QKI: variants seen among roughly 807,000 people sequenced by gnomAD.
QKI encodes the protein QKI, KH domain containing RNA binding.
Under a neutral mutation model 39.0 loss-of-function variants are expected in QKI, and 10 were observed. The observed-to-expected ratio is 0.26, with a 90% CI of 0.16 to 0.43. The LOEUF is 0.43. Ranked by LOEUF, QKI falls within the 20% of genes least tolerant of loss-of-function variation. QKI has a pLI of 1.00. For missense variants in QKI, 218 were observed against 428.0 expected, an observed-to-expected ratio of 0.51 and a Z score of 4.33; for synonymous variants, 204 against 155.4, an observed-to-expected ratio of 1.31 and a Z score of -2.33.
chr6:163,518,362 A>G (rs1179700996), intron 3 of QKI, among the ~76,000 whole-genome samples: 1 of 152,164 alleles, frequency 6.6e-6, no homozygotes, highest in Non-Finnish European at 1.5e-5. Flanking sequence ...TGTAGTCAGG[A>G]TGGACAGATA....
At chr6:163,523,944 G>T (rs141451561) in intron 3 of QKI, among the ~76,000 whole-genome samples, 1 of 152,184 alleles carries the variant, frequency 6.6e-6, no homozygotes, top group Non-Finnish European at 1.5e-5. Context: ...AGCAAAGTGG[G>T]GCTTAGGGAG....
intron 1 of QKI, among the ~76,000 whole-genome samples, chr6:163,426,356 A>G (rs570159583): frequency 1.3e-5 from 2 of 151,832 alleles, no homozygotes; most frequent in African/African-American, 4.8e-5. Context: ...CAAGAATAGC[A>G]TCTTCCACTG....
At chr6:163,540,831 T>C (rs1020737676) in intron 4 of QKI, among the ~76,000 whole-genome samples, 2 of 152,240 alleles carry the variant, frequency 1.3e-5, no homozygotes, top group African/African-American at 4.8e-5. Context: ...TCTCAAGTTA[T>C]ATGTAGGTTT....
intron 1 of QKI, among the ~76,000 whole-genome samples, chr6:163,454,963 T>A (rs1256721944): frequency 6.6e-6 from 1 of 152,246 alleles, no homozygotes; most frequent in Non-Finnish European, 1.5e-5. Flanking sequence ...ATGACTGGCC[T>A]CGTTTAGACT....
In QKI at chr6:163,470,812, T is replaced by C. The variant is rs566093534; in HGVS notation, c.286-7968T>C. Among the ~76,000 whole-genome samples the C allele has an allele frequency of 5.1e-4, 77 of 152,106 alleles. 1 individual carries two copies. The highest frequency in any genetic ancestry group is 7.4e-5 in the Non-Finnish European group (5 of 67,986). ...GAGAATTAGTAAACTGGAAGATAGCTCAGAAGAAAATTTTCAGCATGGAGA... is the reference window on the plus strand; with the variant it reads ...GAGAATTAGTAAACTGGAAGATAGCCCAGAAGAAAATTTTCAGCATGGAGA... On this transcript the variant is annotated intron_variant, in intron 2 of 7. Coordinates refer to ENST00000361752, the MANE Select transcript of QKI (RefSeq NM_006775.3).
chr6:163,553,650 CTATTAA>C (rs1218824452), intron 4 of QKI, among the ~76,000 whole-genome samples: 1 of 151,928 alleles, frequency 6.6e-6, no homozygotes, highest in Admixed American at 6.6e-5. Flanking sequence ...ATTACTATTA[CTATTAA>C]TAAAATCACA....
At chr6:163,435,173 T>G (rs1363289681) in intron 1 of QKI, among the ~76,000 whole-genome samples, 2 of 152,216 alleles carry the variant, frequency 1.3e-5, no homozygotes, top group Admixed American at 6.5e-5. Flanking sequence ...TCTATAGAAT[T>G]TAGTTTCTGT....
At chr6:163,419,575 T>C (rs1050017896) in intron 1 of QKI, among the ~76,000 whole-genome samples, 1 of 152,168 alleles carries the variant, frequency 6.6e-6, no homozygotes, top group African/African-American at 2.4e-5. Flanking sequence ...ATCACTTCTT[T>C]CCATTATCTT....
intron 3 of QKI, among the ~76,000 whole-genome samples, chr6:163,513,006 T>C (rs1297403735): frequency 6.6e-6 from 1 of 152,196 alleles, no homozygotes; most frequent in Non-Finnish European, 1.5e-5. Flanking sequence ...TGTGGTACAG[T>C]ACAAGATGCT....
At chr6:163,484,298 G>A (rs768015614) in intron 3 of QKI, among the ~76,000 whole-genome samples, 2 of 151,774 alleles carry the variant, frequency 1.3e-5, no homozygotes, top group Non-Finnish European at 2.9e-5. Context: ...CGCCTTCTGG[G>A]TTCGAGCAGT....
intron 3 of QKI, among the ~76,000 whole-genome samples, chr6:163,531,313 C>G (rs1780834590): frequency 6.6e-6 from 1 of 152,126 alleles, no homozygotes; most frequent in Non-Finnish European, 1.5e-5. Context: ...TGGAAGTTAC[C>G]CTGTCAACTG....
At chr6:163,541,430 C>A (rs560863176) in intron 4 of QKI, among the ~76,000 whole-genome samples, 2 of 150,692 alleles carry the variant, frequency 1.3e-5, no homozygotes, top group East Asian at 3.9e-4. Context: ...GCAGTAGTTG[C>A]GTGTATATTC....
At position 163,563,547 on chromosome 6, in the gene QKI, G is replaced by A. The variant is rs1286745708; in HGVS notation, c.762G>A (p.Leu254=). 1 of 1,614,148 alleles carries A rather than the reference G, an allele frequency of 6.2e-7. No individual in the cohort carries two copies. The highest frequency in any genetic ancestry group is 8.5e-7 in the Non-Finnish European group (1 of 1,180,042). ...CAGCTGGCCCTACCATAATGCCTTTGATCAGACAAATACAGACCGCTGTCA... is the reference window on the plus strand; with the variant it reads ...CAGCTGGCCCTACCATAATGCCTTTAATCAGACAAATACAGACCGCTGTCA... ...PTPAGPTIMP[L]IRQIQTAVMP... The change falls in exon 6 of 8, where the codon TTG becomes TTA. Residue 254 remains leucine (L), a synonymous_variant. Coordinates refer to ENST00000361752, the MANE Select transcript of QKI (RefSeq NM_006775.3).
chr6:163,445,707 C>A (rs1019978331), intron 1 of QKI, among the ~76,000 whole-genome samples: 1 of 151,828 alleles, frequency 6.6e-6, no homozygotes, highest in Non-Finnish European at 1.5e-5. Flanking sequence ...CTCCGCCTCC[C>A]GGGTTCATGC....
intron 3 of QKI, among the ~76,000 whole-genome samples, chr6:163,531,040 C>G (rs1780818669): frequency 6.6e-6 from 1 of 151,958 alleles, no homozygotes; most frequent in Non-Finnish European, 1.5e-5. Context: ...TTATCTCTGT[C>G]TTTTGCTACT....
chr6:163,506,748 T>C (rs189948512), intron 3 of QKI, among the ~76,000 whole-genome samples: 2 of 152,312 alleles, frequency 1.3e-5, no homozygotes, highest in Admixed American at 1.3e-4. Flanking sequence ...TAGGAATGCT[T>C]ACCATGACCC....
In QKI at chr6:163,574,643, A is replaced by G. The variant is rs572259833; in HGVS notation, c.*3933A>G. 6.6e-6 allele frequency: 1 copy of G among 152,356 alleles called. No individual in the cohort carries two copies. The highest frequency in any genetic ancestry group is 2.1e-4 in the South Asian group (1 of 4,830). 9.4% of individuals were successfully genotyped at this position (152,356 alleles called of 1,614,324 possible). On this transcript the variant is annotated 3_prime_UTR_variant, in exon 8 of 8. Coordinates refer to ENST00000361752, the MANE Select transcript of QKI (RefSeq NM_006775.3). ...CAAATCAATTTAAGATTTCTTAAAT[A>G]TCTTCATGCTTTTCTTGGCTGGAAC...
rs1783699249 is a variant in QKI at position 163,571,520 on chromosome 6, C to T, written c.*810C>T. Reference sequence around the variant, plus strand: ...TGTTCAAGTATTTTTTTTTAAACCTCCCTGTATAGAAAAAAATCATTAAGG... The same window carrying T: ...TGTTCAAGTATTTTTTTTTAAACCTTCCTGTATAGAAAAAAATCATTAAGG... On this transcript the variant is annotated 3_prime_UTR_variant, in exon 8 of 8. Coordinates refer to ENST00000361752, the MANE Select transcript of QKI (RefSeq NM_006775.3). 6.6e-6 allele frequency: 1 copy of T among 151,644 alleles called. No individual in the cohort carries two copies. The highest frequency in any genetic ancestry group is 2.4e-5 in the African/African-American group (1 of 41,286). 9.4% of individuals were successfully genotyped at this position (151,644 alleles called of 1,614,324 possible).
At chr6:163,460,708 C>A (rs925488193) in intron 2 of QKI, among the ~76,000 whole-genome samples, 1 of 152,064 alleles carries the variant, frequency 6.6e-6, no homozygotes, top group Non-Finnish European at 1.5e-5. Context: ...ACCATTGCGG[C>A]CTTCTTATTG....
Sources: allele counts gnomAD v4.1 joint callset (sites outside exome capture counted in the v4.1 genomes callset), GRCh38; gene constraint gnomAD v4.1.1; transcripts MANE v1.5; gene names NCBI Gene and HGNC (gene_info 2026-07-23, HGNC 2026-07-21).